ACE: variants seen among roughly 807,000 people sequenced by gnomAD.
The protein encoded by ACE is angiotensin I converting enzyme.
Under a neutral mutation model 162.3 loss-of-function variants are expected in ACE, and 122 were observed. The ratio of observed to expected loss-of-function variants is 0.75; its 90% CI spans 0.65 to 0.87. The LOEUF is 0.87. ACE is among the 40% of genes least tolerant of loss of function. The pLI, the probability that ACE is intolerant of heterozygous loss-of-function variation, is 0.00. For synonymous variants in ACE, 796 were observed against 720.6 expected (o/e 1.10, Z -1.68); for missense variants, 1,799 against 1,735.1 (o/e 1.04, Z -0.65).
At position 63,483,567 on chromosome 17, in the gene ACE, G is replaced by GCGGGGGGGGCCCC; in HGVS notation, c.1586+10_1586+11insGGGGGGGGCCCCC. ...GTGACACCATACATCAGGTATTAGC[G>GCGGGGGGGGCCCC]CCCCCACCCCACCCACCCCCAGTAC... On this transcript the variant is annotated intron_variant, in intron 10 of 24. Transcript: ENST00000290866. 2 of 1,589,456 alleles carry GCGGGGGGGGCCCC rather than the reference G, an allele frequency of 1.3e-6. No homozygotes were observed. The highest frequency in any genetic ancestry group is 1.7e-5 in the Admixed American group (1 of 58,128).
intron 1 of ACE, 141 bp downstream of exon 1, chr17:63,477,484 G>T (rs1473841328): frequency 1.6e-6 from 1 of 618,892 alleles, no homozygotes; most frequent in Non-Finnish European, 2.1e-6. Context: ...ACAGTCAGCC[G>T]CGGGGCCCGA....
In ACE at chr17:63,483,174, G is replaced by A. The variant is rs377185843; in HGVS notation, c.1487+1G>A. On this transcript the variant is annotated splice_donor_variant, in intron 9 of 24. Coordinates refer to ENST00000290866, the MANE Select transcript of ACE (RefSeq NM_000789.4). LOFTEE classifies it high-confidence loss of function. ...ACAACTTCGACTGGTGGTATCTTCG[G>A]TGAGAGGAGGGATAGAAAAGCCTTC... The A allele has an allele frequency of 9.9e-6, 16 of 1,613,722 alleles. No individual in the cohort carries two copies. In the African/African-American group the frequency reaches 1.9e-4, roughly 19 times the overall value.
rs148995315 is a variant in ACE, at chr17:63,487,067, G to A, written c.2299G>A (p.Glu767Lys). 3.6e-4 allele frequency: 586 copies of A among 1,613,312 alleles called. 1 individual carries two copies. The highest frequency in any genetic ancestry group is 8.2e-4 in the Middle Eastern group (5 of 6,062). Residue 767 changes from glutamate (E) to lysine (K), a missense_variant, in exon 15 of 25, where the codon GAG becomes AAG. Transcript: ENST00000290866. ...CCCGAATGGCAGCTGCCTGCAGCTC[G>A]AGCCAGGTGAGAGCTCATGTGCAGG... The part of the protein sequence containing the change: ...CHPNGSCLQL[E>K]PDLTNVMATS...
In ACE at chr17:63,484,376, A is replaced by G. The variant is rs371414386; in HGVS notation, c.1756A>G (p.Lys586Glu). 3.7e-6 allele frequency: 6 copies of G among 1,611,778 alleles called. No individual in the cohort carries two copies. The highest frequency in any genetic ancestry group is 1.3e-5 in the African/African-American group (1 of 74,892). ...GSSRPWQEVL[K>E]DMVGLDALDA... Reference sequence around the variant, plus strand: ...CTCCAGGCCCTGGCAGGAGGTGCTGAAGGACATGGTCGGCTTAGATGCCCT... The same window carrying G: ...CTCCAGGCCCTGGCAGGAGGTGCTGGAGGACATGGTCGGCTTAGATGCCCT... The change falls in exon 12 of 25, where the codon AAG becomes GAG. Residue 586 changes from lysine to glutamate, a missense_variant. Physicochemically the swap from Lys to Glu is moderately conservative, Grantham distance 56. Transcript: ENST00000290866. This position sits in a 1 kb window ranked among gnomAD's most constrained non-coding sequence, Gnocchi z 4.0.
chr17:63,483,567 G>GCGGGGGGGCCCCC lies in ACE; in HGVS notation c.1586+10_1586+11insGGGGGGGCCCCCC. On this transcript the variant is annotated intron_variant, in intron 10 of 24. Coordinates refer to ENST00000290866, the MANE Select transcript of ACE (RefSeq NM_000789.4). ...GTGACACCATACATCAGGTATTAGC[G>GCGGGGGGGCCCCC]CCCCCACCCCACCCACCCCCAGTAC... The GCGGGGGGGCCCCC allele has an allele frequency of 3.1e-6, 5 of 1,589,410 alleles. No homozygotes were observed. Among genetic ancestry groups the GCGGGGGGGCCCCC allele is most frequent in the African/African-American group, 1.4e-5 (1 of 71,658 alleles).
chr17:63,479,215 G>A (rs902465383), intron 3 of ACE, 115 bp downstream of exon 3: 3 of 881,628 alleles, frequency 3.4e-6, no homozygotes, highest in Non-Finnish European at 5.5e-6. Context: ...AAACCCAAAG[G>A]TGTTGCCCTC....
At chr17:63,494,230 A>T (rs776528804) in intron 21 of ACE, 142 bp from the exon 22 acceptor site, 54 of 1,258,698 alleles carry the variant, frequency 4.3e-5, no homozygotes, top group Non-Finnish European at 5.8e-5. Context: ...AAACGGGGTG[A>T]TTGTGCACAG....
At chr17:63,496,607 A>G in intron 23 of ACE, 91 bp downstream of exon 23, 1 of 1,608,700 alleles carries the variant, frequency 6.2e-7, no homozygotes, top group Non-Finnish European at 8.5e-7. Flanking sequence ...TTGTGGGAAC[A>G]CTTGCCATTT....
In ACE at chr17:63,483,156, C is replaced by T. The variant is rs775141617; in HGVS notation, c.1470C>T (p.Phe490=). 1.7e-5 allele frequency: 28 copies of T among 1,613,976 alleles called. No homozygotes were observed. The highest frequency in any genetic ancestry group is 1.6e-4 in the South Asian group (15 of 91,074). Residue 490 remains phenylalanine, a synonymous_variant, in exon 9 of 25, where the codon TTC becomes TTT. Coordinates refer to ENST00000290866, the MANE Select transcript of ACE (RefSeq NM_000789.4). ...SGRTPPSRYN[F]DWWYLRTKYQ... ...GTACCCCCCCTTCCCGCTACAACTT[C>T]GACTGGTGGTATCTTCGGTGAGAGG...
chr17:63,481,634 G>A lies in ACE; in HGVS notation c.1014G>A (p.Met338Ile), dbSNP rs1422578392. ...EFFTSLELSP[M>I]PPEFWEGSML... ...TCACCTCCCTGGAGCTCTCCCCCATGCCTCCCGAGTTCTGGGAAGGGTCGA... is the reference window on the plus strand; with the variant it reads ...TCACCTCCCTGGAGCTCTCCCCCATACCTCCCGAGTTCTGGGAAGGGTCGA... The change falls in exon 7 of 25, where the codon ATG (methionine) becomes ATA (isoleucine). Residue 338 changes from methionine (M) to isoleucine (I), a missense_variant. Met to Ile is a conservative substitution (Grantham distance 10). Coordinates refer to ENST00000290866, the MANE Select transcript of ACE (RefSeq NM_000789.4). 3 of 1,613,990 alleles carry A rather than the reference G, an allele frequency of 1.9e-6. No individual in the cohort carries two copies. Among genetic ancestry groups the A allele is most frequent in the Non-Finnish European group, 2.5e-6 (3 of 1,180,048 alleles).
At chr17:63,485,119 G>A (rs760894001) in intron 12 of ACE, 117 bp from the exon 13 acceptor site, 47 of 1,544,322 alleles carry the variant, frequency 3.0e-5, no homozygotes, top group South Asian at 1.1e-4. Context: ...AGGCGGGGCC[G>A]GGTAGGGACA....
chr17:63,491,422 C>T lies in ACE; in HGVS notation c.2912+41C>T, dbSNP rs765364922. ...GCTCAGGTCTCGTTCCTGAGCCCCA[C>T]GGGCAAGGGAAATGAACCAAGCAAA... On this transcript the variant is annotated intron_variant, in intron 19 of 24. Transcript: ENST00000290866. This position sits in a 1 kb window ranked among gnomAD's most constrained non-coding sequence, Gnocchi z 4.4. 30 of 1,612,524 alleles carry T rather than the reference C, an allele frequency of 1.9e-5. No individual in the cohort carries two copies. Among genetic ancestry groups the T allele is most frequent in the African/African-American group, 9.3e-5 (7 of 74,872 alleles).
intron 22 of ACE, 59 bp downstream of exon 22, chr17:63,494,529 A>C: frequency 6.8e-7 from 1 of 1,480,770 alleles, no homozygotes; most frequent in Non-Finnish European, 9.4e-7. Context: ...TTTGTGTTTC[A>C]ACTGCGGCCA....
rs534095139 is a variant in ACE, at chr17:63,496,943, G to T, written c.3649G>T (p.Glu1217Ter). 1.9e-6 allele frequency: 3 copies of T among 1,613,136 alleles called. No individual in the cohort carries two copies. The highest frequency in any genetic ancestry group is 4.5e-5 in the East Asian group (2 of 44,870). ...WLRTENELHG[E>*]KLGWPQYNWT... ...CCGCACGGAGAACGAGCTGCATGGGGAGAAGCTGGGCTGGCCGCAGTACAA... is the reference window on the plus strand; with the variant it reads ...CCGCACGGAGAACGAGCTGCATGGGTAGAAGCTGGGCTGGCCGCAGTACAA... Residue 1217 changes from glutamate (E) to a stop codon, truncating the protein, a stop_gained, in exon 24 of 25, where the codon GAG becomes TAG. Transcript: ENST00000290866. LOFTEE classifies it high-confidence loss of function.
chr17:63,492,964 T>C (rs1385100112), intron 19 of ACE, among the ~76,000 whole-genome samples: 2 of 152,220 alleles, frequency 1.3e-5, no homozygotes, highest in Non-Finnish European at 2.9e-5. Flanking sequence ...ATAAGAATTC[T>C]TGGGGTGAAT....
At position 63,491,177 on chromosome 17, in the gene ACE, C is replaced by G. The variant is rs763882219; in HGVS notation, c.2740-32C>G. On this transcript the variant is annotated intron_variant, in intron 18 of 24. Coordinates refer to ENST00000290866, the MANE Select transcript of ACE (RefSeq NM_000789.4). This position sits in a 1 kb window ranked among gnomAD's most constrained non-coding sequence, Gnocchi z 4.4. ...CAGCACGCAGTCTGTCCCCGGAACC[C>G]CCAGTTTGGGCAGAACTCCCTCTGC... is the stretch of plus-strand genomic sequence containing the variant. 1.9e-6 allele frequency: 3 copies of G among 1,613,530 alleles called. No individual in the cohort carries two copies. The highest frequency in any genetic ancestry group is 2.5e-6 in the Non-Finnish European group (3 of 1,179,984).
intron 8 of ACE, 145 bp from the exon 9 acceptor site, chr17:63,482,884 A>G: frequency 9.1e-7 from 1 of 1,102,560 alleles, no homozygotes; most frequent in Admixed American, 1.7e-5. Flanking sequence ...TCCTCTTCCA[A>G]GCAGGGCCCA....
At chr17:63,487,135 G>A in intron 15 of ACE, 62 bp downstream of exon 15, 1 of 1,449,320 alleles carries the variant, frequency 6.9e-7, no homozygotes, top group Non-Finnish European at 9.7e-7. Context: ...GGGCCCGGGG[G>A]TGCTGGGTGA....
chr17:63,477,839 C>A, intron 1 of ACE, 92 bp from the exon 2 acceptor site: 1 of 1,510,192 alleles, frequency 6.6e-7, no homozygotes. Context: ...AGCCCTTGGC[C>A]TTCCTCCCCT....
Sources: gnomAD v4.1 joint callset for allele counts (sites outside exome capture counted in the v4.1 genomes callset) on GRCh38, gnomAD v4.1.1 for gene constraint, Gnocchi (gnomAD v3.1) non-coding constraint, MANE v1.5 for transcripts, NCBI Gene and HGNC (gene_info 2026-07-23, HGNC 2026-07-21) for gene names.